The following CACNA1C variants were observed in gnomAD, a reference collection of about 807,000 sequenced individuals.
The protein encoded by CACNA1C is voltage-dependent L-type calcium channel subunit alpha-1C.
In CACNA1C, 30 loss-of-function variants were observed where a neutral mutation model predicts 229.0. The ratio of observed to expected loss-of-function variants is 0.13; its 90% CI spans 0.10 to 0.18. The LOEUF (loss-of-function observed/expected upper bound fraction) is 0.18, where lower values mean the gene tolerates loss of function less well. Ranked by LOEUF, CACNA1C falls within the 10% of genes least tolerant of loss-of-function variation. The pLI is 1.00. For synonymous variants in CACNA1C, 1,114 were observed against 1,132.5 expected (o/e 0.98, Z 0.33); for missense variants, 1,658 against 2,845.0 (o/e 0.58, Z 9.49).
chr12:2,372,388 G>T (rs2097892983), intron 3 of CACNA1C, among the ~76,000 whole-genome samples: 1 of 152,266 alleles, frequency 6.6e-6, no homozygotes, highest in African/African-American at 2.4e-5. Context: ...ACCGGAGTCT[G>T]TTGCCATGAC....
rs2072492418 is a variant in CACNA1C, at chr12:2,601,799, C to G, written c.2854-55C>G. Reference sequence around the variant, plus strand: ...GGGAGGAAGGGGTGGTGTGAGGGGTCTCTGGGCTAGGGCTAGGGCCACTCA... The same window carrying G: ...GGGAGGAAGGGGTGGTGTGAGGGGTGTCTGGGCTAGGGCTAGGGCCACTCA... On this transcript the variant is annotated intron_variant, in intron 21 of 46. Coordinates refer to ENST00000399655, the MANE Select transcript of CACNA1C (RefSeq NM_000719.7). The surrounding 1 kb of genome is among the most constrained non-coding windows in gnomAD (Gnocchi z 5.9). The G allele has an allele frequency of 8.5e-7, 1 of 1,170,278 alleles. No individual in the cohort carries two copies. The highest frequency in any genetic ancestry group is 1.3e-6 in the Non-Finnish European group (1 of 775,424). 72.5% of individuals were successfully genotyped at this position (1,170,278 alleles called of 1,614,324 possible).
At chr12:2,002,419 G>A (rs1037626775) in intron 1 of CACNA1C, among the ~76,000 whole-genome samples, 1 of 152,148 alleles carries the variant, frequency 6.6e-6, no homozygotes, top group Non-Finnish European at 1.5e-5. Context: ...TTGAAAGAAT[G>A]ACCTTTTCCT....
At chr12:2,382,818 T>C (rs2098281278) in intron 3 of CACNA1C, among the ~76,000 whole-genome samples, 1 of 152,196 alleles carries the variant, frequency 6.6e-6, no homozygotes, top group Non-Finnish European at 1.5e-5. Flanking sequence ...TGGAACTGAC[T>C]GACTTAGAAT....
At chr12:2,511,285 A>G (rs762947858) in intron 8 of CACNA1C, among the ~76,000 whole-genome samples, 1 of 152,242 alleles carries the variant, frequency 6.6e-6, no homozygotes, top group African/African-American at 2.4e-5. Context: ...AAGACGGTGC[A>G]TGCTGAAATT....
intron 3 of CACNA1C, among the ~76,000 whole-genome samples, chr12:2,200,514 G>A (rs2097550687): frequency 6.6e-6 from 1 of 152,152 alleles, no homozygotes; most frequent in South Asian, 2.1e-4. Flanking sequence ...GAATCATCTG[G>A]CACAAAATGT....
At chr12:2,211,322 G>A (rs138804772) in intron 3 of CACNA1C, among the ~76,000 whole-genome samples, 20 of 152,364 alleles carry the variant, frequency 1.3e-4, no homozygotes, top group African/African-American at 4.6e-4. Flanking sequence ...GGTCCAGGCT[G>A]TGCCTGGTGG....
chr12:2,560,399 A>T (rs2046819185), intron 11 of CACNA1C, among the ~76,000 whole-genome samples: 1 of 152,316 alleles, frequency 6.6e-6, no homozygotes, highest in East Asian at 1.9e-4. Context: ...GTAAGAATGG[A>T]GTCTCTAGGG....
chr12:2,587,779 G>A (rs188736602), intron 18 of CACNA1C, among the ~76,000 whole-genome samples: 261 of 152,088 alleles, frequency 1.7e-3, no homozygotes, highest in African/African-American at 4.0e-3. Flanking sequence ...TGTACGGCCC[G>A]CTCCCCGTCA....
intron 5 of CACNA1C, among the ~76,000 whole-genome samples, chr12:2,469,775 C>T (rs1379852739): frequency 6.6e-6 from 1 of 152,148 alleles, no homozygotes; most frequent in African/African-American, 2.4e-5. Context: ...AACAGAAATA[C>T]TTTTAAAAAA....
intron 3 of CACNA1C, among the ~76,000 whole-genome samples, chr12:2,264,237 C>G (rs577009498): frequency 6.6e-6 from 1 of 152,326 alleles, no homozygotes; most frequent in East Asian, 1.9e-4. Flanking sequence ...GATGCCTCTG[C>G]AAGGGCTCCA....
At chr12:2,330,825 GT>G (rs2154514060) in intron 3 of CACNA1C, among the ~76,000 whole-genome samples, 1 of 152,278 alleles carries the variant, frequency 6.6e-6, no homozygotes, top group Admixed American at 6.5e-5. Flanking sequence ...ATCTCATACA[GT>G]TTGCCACAAT....
intron 5 of CACNA1C, among the ~76,000 whole-genome samples, chr12:2,465,026 T>C (rs1333051695): frequency 1.3e-5 from 2 of 152,222 alleles, no homozygotes; most frequent in African/African-American, 4.8e-5. Context: ...AGCCTCTCTG[T>C]GCCTTAGTTT....
chr12:2,103,219 T>C (rs1317760538), intron 1 of CACNA1C, among the ~76,000 whole-genome samples: 1 of 152,256 alleles, frequency 6.6e-6, no homozygotes, highest in Non-Finnish European at 1.5e-5. Flanking sequence ...AAAGTGTTCC[T>C]ATTTCTCCAC....
Position 2,255,693 on chromosome 12 carries a change from T to G in CACNA1C, c.477+135263T>G, listed in dbSNP as rs371899796. On this transcript the variant is annotated intron_variant, in intron 3 of 46. Coordinates refer to ENST00000399655, the MANE Select transcript of CACNA1C (RefSeq NM_000719.7). ...AAGGAAGGGCAGTGTTTAGGATAAGTCAGATGAGATTCCTCCTCATTGGAC... is the reference window on the plus strand; with the variant it reads ...AAGGAAGGGCAGTGTTTAGGATAAGGCAGATGAGATTCCTCCTCATTGGAC... Among the ~76,000 whole-genome samples, 7 of 152,286 alleles carry G rather than the reference T, an allele frequency of 4.6e-5. No homozygotes were observed. The South Asian group carries it at 1.5e-3, about 32-fold the overall frequency.
intron 3 of CACNA1C, among the ~76,000 whole-genome samples, chr12:2,158,293 T>C (rs957471536): frequency 1.4e-4 from 21 of 152,196 alleles, no homozygotes; most frequent in South Asian, 8.3e-4. Context: ...CTTACAAGTT[T>C]CTAGGCTGGG....
chr12:2,540,386 G>C (rs1296924611), intron 9 of CACNA1C, among the ~76,000 whole-genome samples: 2 of 152,130 alleles, frequency 1.3e-5, no homozygotes, highest in Non-Finnish European at 2.9e-5. Flanking sequence ...GAGGAGACTC[G>C]GTGGGCAGGA....
At chr12:2,204,030 G>A (rs1293010363) in intron 3 of CACNA1C, among the ~76,000 whole-genome samples, 1 of 152,178 alleles carries the variant, frequency 6.6e-6, no homozygotes, top group Non-Finnish European at 1.5e-5. Flanking sequence ...AGAAGCAGAC[G>A]AGGGACATTT....
chr12:2,519,623 G>A (rs2099805612), intron 9 of CACNA1C, among the ~76,000 whole-genome samples: 1 of 152,210 alleles, frequency 6.6e-6, no homozygotes, highest in Non-Finnish European at 1.5e-5. Context: ...GAAAGCATTG[G>A]GAGTTCTTAA....
In CACNA1C at chr12:2,146,071, TTTA is replaced by T. The variant is rs374197526; in HGVS notation, c.477+25647_477+25649del. ...CATTCAAATGGAAGTTATTGTTATT[TTTA>T]TTATTGAGTGCCTTCTAATTCAACA... On this transcript the variant is annotated intron_variant, in intron 3 of 46. Transcript: ENST00000399655. 3.2e-3 allele frequency among the ~76,000 whole-genome samples: 482 copies of T among 151,374 alleles called. 26 individuals are homozygous for T. Among genetic ancestry groups the T allele is most frequent in the South Asian group, 0.024 (116 of 4,742 alleles).
Sources: gnomAD v4.1 joint callset for allele counts (sites outside exome capture counted in the v4.1 genomes callset) on GRCh38, gnomAD v4.1.1 for gene constraint, Gnocchi (gnomAD v3.1) non-coding constraint, MANE v1.5 for transcripts, NCBI Gene and HGNC (gene_info 2026-07-23, HGNC 2026-07-21) for gene names.